The following NTM variants were observed in gnomAD, a reference collection of about 807,000 sequenced individuals.
NTM encodes IgLON family member 2.
Under a neutral mutation model 42.1 loss-of-function variants are expected in NTM, and 13 were observed. The ratio of observed to expected loss-of-function variants is 0.31; its 90% CI spans 0.20 to 0.49. NTM has a LOEUF of 0.49. NTM is among the 20% of genes least tolerant of loss of function. The pLI, the probability that NTM is intolerant of heterozygous loss-of-function variation, is 0.99. For missense variants in NTM, 373 were observed against 452.8 expected, an observed-to-expected ratio of 0.82 and a Z score of 1.60; for synonymous variants, 187 against 179.2, an observed-to-expected ratio of 1.04 and a Z score of -0.35.
At chr11:131,795,424 CACTA>C in intron 1 of NTM, 1 of 985,292 alleles carries the variant, frequency 1.0e-6, no homozygotes, top group African/African-American at 1.7e-5. Context: ...TCCTTAAATA[CACTA>C]TTGGTATAAA....
At chr11:131,508,291 T>C (rs1215852614) in intron 1 of NTM, among the ~76,000 whole-genome samples, 4 of 142,950 alleles carry the variant, frequency 2.8e-5, no homozygotes, top group African/African-American at 1.1e-4. Context: ...AAAATGCTCA[T>C]CATCACTGGC....
chr11:132,100,670 G>A (rs10791197), intron 2 of NTM, among the ~76,000 whole-genome samples: 106,458 of 151,528 alleles, frequency 0.7, 38,082 homozygotes, highest in African/African-American at 0.76. Context: ...ATCAGCTGTT[G>A]CTGTCTTCGG....
At chr11:131,970,293 A>T (rs2063365538) in intron 2 of NTM, among the ~76,000 whole-genome samples, 1 of 152,022 alleles carries the variant, frequency 6.6e-6, no homozygotes. Context: ...TTGGGATTTG[A>T]TTGTATGTTT....
At chr11:131,709,966 A>G (rs979253902) in intron 1 of NTM, among the ~76,000 whole-genome samples, 1 of 152,180 alleles carries the variant, frequency 6.6e-6, no homozygotes, top group Non-Finnish European at 1.5e-5. Context: ...TGTACTGTAA[A>G]GAGGAAATGC....
intron 4 of NTM, among the ~76,000 whole-genome samples, chr11:132,231,102 T>G (rs895676963): frequency 2.6e-5 from 4 of 152,194 alleles, no homozygotes; most frequent in Non-Finnish European, 5.9e-5. Flanking sequence ...TGGTAGTTAT[T>G]CCTGTCCTCA....
intron 1 of NTM, among the ~76,000 whole-genome samples, chr11:131,641,796 G>A (rs1405988717): frequency 1.3e-5 from 2 of 149,768 alleles, no homozygotes; most frequent in Non-Finnish European, 1.5e-5. Context: ...GCATGATCTC[G>A]GCTCACTGCA....
chr11:131,893,826 C>T (rs1042500496), intron 1 of NTM, among the ~76,000 whole-genome samples: 2 of 152,124 alleles, frequency 1.3e-5, no homozygotes, highest in African/African-American at 4.8e-5. Context: ...ATCTGCGTGT[C>T]ATGAGTGAAA....
At chr11:131,724,302 T>G (rs2078705424) in intron 1 of NTM, among the ~76,000 whole-genome samples, 1 of 151,954 alleles carries the variant, frequency 6.6e-6, no homozygotes, top group Non-Finnish European at 1.5e-5. Context: ...GGAAGTAAAA[T>G]TATTATTATT....
chr11:131,653,226 CT>C lies in NTM; in HGVS notation c.83-258328del, dbSNP rs371848349. 8.0e-3 allele frequency among the ~76,000 whole-genome samples: 1,203 copies of C among 150,048 alleles called. 18 individuals carry two copies. Among genetic ancestry groups the C allele is most frequent in the African/African-American group, 0.028 (1,130 of 40,754 alleles). On this transcript the variant is annotated intron_variant, in intron 1 of 8. Transcript: ENST00000683400. Reference sequence around the variant, plus strand: ...TTAGGGACCTTTTTTTTGAGGTTATCTTTTTTTTTTCTTCCTTTGTTCTTTC... The same window carrying C: ...TTAGGGACCTTTTTTTTGAGGTTATCTTTTTTTTTCTTCCTTTGTTCTTTC...
intron 3 of NTM, among the ~76,000 whole-genome samples, chr11:132,164,765 A>G (rs540535646): frequency 6.6e-6 from 1 of 152,298 alleles, no homozygotes; most frequent in East Asian, 1.9e-4. Flanking sequence ...GATCACGGGT[A>G]CATCTCTGAC....
intron 1 of NTM, chr11:131,777,190 C>T (rs55972344): frequency 2.8e-6 from 1 of 352,152 alleles, no homozygotes; most frequent in African/African-American, 2.2e-5. Context: ...AGTGCCCTCT[C>T]TTTGCAAGCC....
intron 2 of NTM, among the ~76,000 whole-genome samples, chr11:131,959,743 C>T (rs149194337): frequency 1.3e-5 from 2 of 152,208 alleles, no homozygotes; most frequent in African/African-American, 4.8e-5. Flanking sequence ...TCTAATACAG[C>T]ATTTAATTAA....
At chr11:131,721,996 CAAAAAAAAAAA>C (rs71475771) in intron 1 of NTM, among the ~76,000 whole-genome samples, 8 of 10,280 alleles carry the variant, frequency 7.8e-4, no homozygotes, top group Middle Eastern at 0.071. Context: ...AACTCTGTCT[CAAAAAAAAAAA>C]AAAAAAAAAA....
intron 1 of NTM, among the ~76,000 whole-genome samples, chr11:131,569,415 G>A (rs1255945607): frequency 6.6e-6 from 1 of 151,760 alleles, no homozygotes; most frequent in African/African-American, 2.4e-5. Flanking sequence ...CAAAGTGCTG[G>A]GTTTACAGGC....
chr11:132,040,651 G>T (rs1347828902), intron 2 of NTM, among the ~76,000 whole-genome samples: 2 of 152,124 alleles, frequency 1.3e-5, no homozygotes, highest in Non-Finnish European at 2.9e-5. Context: ...CCATCCCCAG[G>T]CTTAGGGAGT....
At chr11:132,147,571 G>A (rs2070814835) in intron 3 of NTM, among the ~76,000 whole-genome samples, 1 of 152,078 alleles carries the variant, frequency 6.6e-6, no homozygotes. Flanking sequence ...TCTTTTTTAG[G>A]ACTTTTGTAA....
rs1172561787 is a variant in NTM, at chr11:131,521,188, G to T, written c.82+150300G>T. Among the ~76,000 whole-genome samples, 6 of 151,460 alleles carry T rather than the reference G, an allele frequency of 4.0e-5. No homozygotes were observed. In the East Asian group the frequency reaches 1.2e-3, roughly 30 times the overall value. ...AAATAAGCCGGGCATGGTAGCATGT[G>T]CCTGTAGTCCCAGCTACTTGGGAGG... On this transcript the variant is annotated intron_variant, in intron 1 of 8. Transcript: ENST00000683400.
chr11:132,310,616 A>G (rs2241999), intron 6 of NTM, among the ~76,000 whole-genome samples: 124,171 of 152,122 alleles, frequency 0.82, 51,105 homozygotes, highest in African/African-American at 0.91. Flanking sequence ...GAAGGCTCTC[A>G]GGGCCCTGGG....
intron 2 of NTM, among the ~76,000 whole-genome samples, chr11:132,127,481 G>A (rs895255349): frequency 1.3e-5 from 2 of 152,182 alleles, no homozygotes; most frequent in African/African-American, 2.4e-5. Context: ...TATAACACAG[G>A]TCCCCTGTGA....
Sources: allele counts gnomAD v4.1 joint callset (sites outside exome capture counted in the v4.1 genomes callset), GRCh38; gene constraint gnomAD v4.1.1; transcripts MANE v1.5; gene names NCBI Gene and HGNC (gene_info 2026-07-23, HGNC 2026-07-21).